LARGE1: variants seen among roughly 807,000 people sequenced by gnomAD.
LARGE1 encodes LARGE xylosyl- and glucuronyltransferase 1.
In LARGE1, 43 loss-of-function variants were observed where a neutral mutation model predicts 87.6. The observed-to-expected ratio is 0.49, with a 90% confidence interval of 0.38 to 0.63. The LOEUF is 0.63. LARGE1 is among the 30% of genes least tolerant of loss of function. The pLI is 0.00. For synonymous variants in LARGE1, 434 were observed against 394.6 expected (o/e 1.10, Z -1.18); for missense variants, 802 against 1,000.2 (o/e 0.80, Z 2.67).
chr22:33,336,774 G>A (rs1027291714), intron 10 of LARGE1, among the ~76,000 whole-genome samples: 2 of 151,936 alleles, frequency 1.3e-5, no homozygotes, highest in South Asian at 4.2e-4. Flanking sequence ...CTAAAAAGTC[G>A]GTTCTGGCCG....
chr22:33,407,230 G>A (rs915754368), intron 7 of LARGE1, among the ~76,000 whole-genome samples: 5 of 151,966 alleles, frequency 3.3e-5, no homozygotes, highest in Non-Finnish European at 4.4e-5. Flanking sequence ...CACGATCATC[G>A]CACACTACAG....
chr22:33,524,481 G>A (rs1370615968), intron 6 of LARGE1, among the ~76,000 whole-genome samples: 1 of 151,804 alleles, frequency 6.6e-6, no homozygotes, highest in Non-Finnish European at 1.5e-5. Context: ...TTGTTTACTT[G>A]AGCAAAAGAA....
At chr22:33,664,757 G>A (rs753964923) in intron 2 of LARGE1, among the ~76,000 whole-genome samples, 3 of 152,090 alleles carry the variant, frequency 2.0e-5, no homozygotes, top group African/African-American at 7.2e-5. Flanking sequence ...TCAGCTACTC[G>A]GGAGGCTGCG....
chr22:33,198,072 A>C (rs1341012411), intron 11 of LARGE1, among the ~76,000 whole-genome samples: 1 of 152,214 alleles, frequency 6.6e-6, no homozygotes, highest in Non-Finnish European at 1.5e-5. Context: ...ATGTGCATAC[A>C]AAAATTAGTT....
intron 2 of LARGE1, among the ~76,000 whole-genome samples, chr22:33,665,650 T>C (rs2149247305): frequency 6.6e-6 from 1 of 152,276 alleles, no homozygotes; most frequent in South Asian, 2.1e-4. Context: ...TCCAGCACTT[T>C]GGGAGGCTGA....
chr22:33,470,625 C>A (rs2068791175), intron 6 of LARGE1, among the ~76,000 whole-genome samples: 1 of 152,224 alleles, frequency 6.6e-6, no homozygotes, highest in Non-Finnish European at 1.5e-5. Context: ...CCTCACCTCC[C>A]CGGAAGGGCC....
intron 13 of LARGE1, among the ~76,000 whole-genome samples, chr22:33,277,791 C>T (rs945272325): frequency 1.3e-5 from 2 of 152,194 alleles, no homozygotes; most frequent in African/African-American, 4.8e-5. Flanking sequence ...GCAGGAAACC[C>T]TAATCCCATC....
intron 6 of LARGE1, among the ~76,000 whole-genome samples, chr22:33,535,653 T>A (rs570160120): frequency 6.6e-6 from 1 of 152,136 alleles, no homozygotes; most frequent in East Asian, 1.9e-4. Flanking sequence ...CTATTTCTTA[T>A]ACAAACTATT....
At chr22:33,354,596 G>T (rs1353695830) in intron 9 of LARGE1, among the ~76,000 whole-genome samples, 1 of 152,140 alleles carries the variant, frequency 6.6e-6, no homozygotes, top group African/African-American at 2.4e-5. Context: ...AAATGCTAAA[G>T]AATATTTAAT....
chr22:33,652,078 A>T (rs527963189), intron 2 of LARGE1, among the ~76,000 whole-genome samples: 31 of 152,282 alleles, frequency 2.0e-4, no homozygotes, highest in African/African-American at 7.5e-4. Context: ...CGTGAGGTTG[A>T]GGCAGGGGAA....
chr22:33,886,944 G>T (rs142113162), intron 1 of LARGE1, among the ~76,000 whole-genome samples: 4 of 152,046 alleles, frequency 2.6e-5, no homozygotes, highest in Non-Finnish European at 5.9e-5. Flanking sequence ...AAAGTCAACT[G>T]GGAAAAGTGC....
chr22:33,115,555 T>C, the LARGE1 span, among the ~76,000 whole-genome samples: 1,071 of 151,152 alleles, frequency 7.1e-3, 7 homozygotes, highest in African/African-American at 0.012. Flanking sequence ...AGGTGGCTCA[T>C]GCCTGTAATC....
intron 13 of LARGE1, among the ~76,000 whole-genome samples, chr22:33,279,013 C>T (rs5998838): frequency 0.065 from 9,852 of 152,184 alleles, 1,077 homozygotes; most frequent in African/African-American, 0.23. Flanking sequence ...CCACCACGGC[C>T]GGCTGGGTCA....
At chr22:33,324,505 C>T (rs1004122859) in intron 10 of LARGE1, among the ~76,000 whole-genome samples, 9 of 152,132 alleles carry the variant, frequency 5.9e-5, no homozygotes, top group African/African-American at 1.4e-4. Flanking sequence ...AGACAGATTT[C>T]TCCTGAGATA....
At chr22:33,305,489 G>T in intron 11 of LARGE1, 1 of 630,482 alleles carries the variant, frequency 1.6e-6, no homozygotes, top group Non-Finnish European at 2.0e-6. Flanking sequence ...TAAAATCTAT[G>T]GCTAAGAAAC....
chr22:33,297,916 G>T (rs1270569723), intron 12 of LARGE1, among the ~76,000 whole-genome samples: 1 of 147,504 alleles, frequency 6.8e-6, no homozygotes, highest in Non-Finnish European at 1.5e-5. Flanking sequence ...GGAGGCAGAG[G>T]TTGCAGTGAG....
At chr22:33,672,554 T>G (rs551721540) in intron 2 of LARGE1, among the ~76,000 whole-genome samples, 1 of 152,204 alleles carries the variant, frequency 6.6e-6, no homozygotes, top group Admixed American at 6.5e-5. Context: ...GGAGAGGACT[T>G]GATACTGTTT....
At chr22:33,594,364 A>T (rs566400565) in intron 5 of LARGE1, among the ~76,000 whole-genome samples, 2 of 152,290 alleles carry the variant, frequency 1.3e-5, no homozygotes, top group East Asian at 3.9e-4. Flanking sequence ...ATGCCAAAAA[A>T]AGAACCCCAA....
chr22:33,627,184 T>C lies in LARGE1; in HGVS notation c.409-858A>G, dbSNP rs988276383. On this transcript the variant is annotated intron_variant, in intron 3 of 14. Transcript: ENST00000397394. The stretch of plus-strand genomic sequence containing the variant: ...CATCTGTTTACGCCCTCTAAGCTAC[T>C]GGGCGGGGCTGGCATCCTCAGGCAA... Among the ~76,000 whole-genome samples, 3 of 152,234 alleles carry C rather than the reference T, an allele frequency of 2.0e-5. No homozygotes were observed. The East Asian group carries it at 5.8e-4, about 29-fold the overall frequency.
Sources: allele counts gnomAD v4.1 joint callset (sites outside exome capture counted in the v4.1 genomes callset), GRCh38; gene constraint gnomAD v4.1.1; transcripts MANE v1.5; gene names NCBI Gene and HGNC (gene_info 2026-07-23, HGNC 2026-07-21).